Variants in SNX29 observed in about 807,000 individuals in gnomAD.
The protein encoded by SNX29 is sorting nexin-29.
In SNX29, 78 loss-of-function variants were observed where a neutral mutation model predicts 102.1. The observed-to-expected ratio is 0.76, with a 90% CI of 0.64 to 0.92. SNX29 has a LOEUF of 0.92. Ranked by LOEUF, SNX29 falls within the 40% of genes least tolerant of loss-of-function variation. The pLI is 0.00. For synonymous variants in SNX29, 580 were observed against 414.5 expected (o/e 1.40, Z -4.85); for missense variants, 1,280 against 1,061.7 (o/e 1.21, Z -2.86).
chr16:12,056,954 T>C (rs1040917671), intron 8 of SNX29, among the ~76,000 whole-genome samples: 11 of 128,292 alleles, frequency 8.6e-5, no homozygotes, highest in African/African-American at 2.5e-4. Flanking sequence ...CCTGAGTAGC[T>C]AGGACTATAG....
At chr16:12,565,370 C>G (rs774799616) in intron 20 of SNX29, among the ~76,000 whole-genome samples, 1 of 152,214 alleles carries the variant, frequency 6.6e-6, no homozygotes, top group Non-Finnish European at 1.5e-5. Flanking sequence ...AGCCCCTGGT[C>G]TAGCCAGATT....
At chr16:12,169,715 G>T (rs1040628316) in intron 13 of SNX29, among the ~76,000 whole-genome samples, 2 of 152,044 alleles carry the variant, frequency 1.3e-5, no homozygotes, top group African/African-American at 4.8e-5. Context: ...CAAAAAATTA[G>T]CCGGGAATGG....
chr16:12,524,595 G>T, intron 19 of SNX29, 107 bp from the exon 20 acceptor site: 2 of 1,333,298 alleles, frequency 1.5e-6, no homozygotes, highest in Non-Finnish European at 1.0e-6. Flanking sequence ...TGCTCAATCA[G>T]TGTTGGTTGC....
rs557493486 is a variant in SNX29, at chr16:12,193,509, A to G, written c.1596-6092A>G. ...AAAAAGTCTTTCACATAGCAAATCCAGTTAAACTCTTTTTTCTACTCTGGA... is the reference window on the plus strand; with the variant it reads ...AAAAAGTCTTTCACATAGCAAATCCGGTTAAACTCTTTTTTCTACTCTGGA... On this transcript the variant is annotated intron_variant, in intron 13 of 20. Transcript: ENST00000566228. Among the ~76,000 whole-genome samples the G allele has an allele frequency of 9.7e-4, 147 of 152,144 alleles. 1 individual carries two copies. The highest frequency in any genetic ancestry group is 3.3e-3 in the African/African-American group (136 of 41,534).
In SNX29 at chr16:12,098,173, G is replaced by C. The variant is rs1407248701; in HGVS notation, c.1402+19258G>C. On this transcript the variant is annotated intron_variant, in intron 11 of 20. Transcript: ENST00000566228. The surrounding 1 kb of genome is among the most constrained non-coding windows in gnomAD (Gnocchi z 6.0). ...GCCCAGCAGTTCTAACCCTTCCCCTGCCCCCTCCTTCAACTCCTTTTCCTC... is the reference window on the plus strand; with the variant it reads ...GCCCAGCAGTTCTAACCCTTCCCCTCCCCCCTCCTTCAACTCCTTTTCCTC... Among the ~76,000 whole-genome samples, 1 of 152,038 alleles carries C rather than the reference G, an allele frequency of 6.6e-6. No individual in the cohort carries two copies. The highest frequency in any genetic ancestry group is 1.5e-5 in the Non-Finnish European group (1 of 68,006).
chr16:12,554,421 C>T (rs562787810), intron 20 of SNX29, among the ~76,000 whole-genome samples: 3 of 152,182 alleles, frequency 2.0e-5, no homozygotes, highest in Admixed American at 1.3e-4. Context: ...GTAATGTCAG[C>T]GTGTCCTGCT....
chr16:12,240,694 G>C (rs1177461170), intron 14 of SNX29, among the ~76,000 whole-genome samples: 1 of 134,906 alleles, frequency 7.4e-6, no homozygotes, highest in African/African-American at 2.8e-5. Flanking sequence ...CCTCCTCCCA[G>C]GTTCAGGTGA....
At chr16:12,275,776 A>G (rs889755022) in intron 14 of SNX29, among the ~76,000 whole-genome samples, 1 of 149,950 alleles carries the variant, frequency 6.7e-6, no homozygotes, top group African/African-American at 2.5e-5. Context: ...AATTGTGCAT[A>G]TGTATGAGGT....
intron 13 of SNX29, among the ~76,000 whole-genome samples, chr16:12,167,079 C>T (rs1220386117): frequency 1.3e-5 from 2 of 152,178 alleles, no homozygotes; most frequent in Non-Finnish European, 2.9e-5. Context: ...GGAATTTTGA[C>T]TTTGTGGGGC....
At chr16:12,502,480 A>C (rs2089173161) in intron 19 of SNX29, among the ~76,000 whole-genome samples, 2 of 152,136 alleles carry the variant, frequency 1.3e-5, no homozygotes, top group Admixed American at 1.3e-4. Context: ...TTTCCTGACC[A>C]AAATGCCCTT....
chr16:12,080,645 G>A (rs995210414), intron 11 of SNX29, among the ~76,000 whole-genome samples: 9 of 151,696 alleles, frequency 5.9e-5, no homozygotes, highest in East Asian at 1.9e-4. Flanking sequence ...CTTCCAAAGC[G>A]CTGGGATGAC....
chr16:12,048,773 A>G (rs1198209773), intron 7 of SNX29, among the ~76,000 whole-genome samples, 153 bp downstream of exon 7: 3 of 151,926 alleles, frequency 2.0e-5, no homozygotes, highest in African/African-American at 7.3e-5. Flanking sequence ...ATCCTCATTC[A>G]CTCTGAAAGG....
At chr16:12,374,726 C>G (rs2082810745) in intron 16 of SNX29, 1 of 152,126 alleles carries the variant, frequency 6.6e-6, no homozygotes, top group African/African-American at 2.4e-5. Context: ...CTCAGAAAGT[C>G]CAGACGCCTT....
chr16:12,038,448 C>A (rs1378056721), intron 4 of SNX29, among the ~76,000 whole-genome samples: 1 of 152,192 alleles, frequency 6.6e-6, no homozygotes, highest in Non-Finnish European at 1.5e-5. Flanking sequence ...TGTTGGCATT[C>A]GGCTTTCAGG....
At chr16:12,198,702 G>A (rs895848297) in intron 13 of SNX29, among the ~76,000 whole-genome samples, 1 of 152,234 alleles carries the variant, frequency 6.6e-6, no homozygotes, top group African/African-American at 2.4e-5. Flanking sequence ...CCTGGGTTCA[G>A]ATCTTACCAG....
chr16:11,983,630 AC>A, intron 1 of SNX29: 1 of 985,236 alleles, frequency 1.0e-6, no homozygotes, highest in Non-Finnish European at 1.2e-6. Context: ...CAAACAGTTG[AC>A]CCCCACCTCT....
chr16:12,468,958 C>G (rs959373819), intron 18 of SNX29, among the ~76,000 whole-genome samples: 1 of 152,226 alleles, frequency 6.6e-6, no homozygotes, highest in Non-Finnish European at 1.5e-5. Flanking sequence ...TGTCCAGAGA[C>G]AGTAGAGCAT....
At chr16:12,422,352 C>T (rs1204691326) in intron 18 of SNX29, among the ~76,000 whole-genome samples, 1 of 152,170 alleles carries the variant, frequency 6.6e-6, no homozygotes, top group Middle Eastern at 3.2e-3. Context: ...AGCCATGCTT[C>T]CTGTTACCAC....
At chr16:12,300,410 C>T (rs1596815269) in intron 15 of SNX29, among the ~76,000 whole-genome samples, 2 of 152,258 alleles carry the variant, frequency 1.3e-5, no homozygotes, top group South Asian at 2.1e-4. Context: ...GGTGGTTTCT[C>T]CAAGCTGTAT....
Sources: allele counts gnomAD v4.1 joint callset (sites outside exome capture counted in the v4.1 genomes callset), GRCh38; gene constraint gnomAD v4.1.1; non-coding constraint Gnocchi (gnomAD v3.1); transcripts MANE v1.5; gene names NCBI Gene and HGNC (gene_info 2026-07-23, HGNC 2026-07-21).